Variants in RNF128 observed in about 807,000 individuals in gnomAD.
RNF128 encodes the protein ring finger protein 128, also known as E3 ubiquitin-protein ligase RNF128.
A neutral mutation model predicts 26.2 loss-of-function variants in RNF128; 13 were observed. The ratio of observed to expected loss-of-function variants is 0.50; its 90% CI spans 0.32 to 0.79. The LOEUF is 0.79. RNF128 is among the 30% of genes least tolerant of loss of function. The probability of loss-of-function intolerance (pLI) is 0.03; values close to 1 mark genes in which losing one functional copy is unlikely to be tolerated. For synonymous variants in RNF128, 149 were observed against 142.5 expected, an observed-to-expected ratio of 1.05 and a Z score of -0.32; for missense variants, 315 against 349.7, an observed-to-expected ratio of 0.90 and a Z score of 0.79.
At chrX:106,720,939 C>T (rs1228155087) in intron 1 of RNF128, among the ~76,000 whole-genome samples, 1 of 111,456 alleles carries the variant, frequency 9.0e-6, no homozygotes, top group Non-Finnish European at 1.9e-5. Flanking sequence ...TTAGATACAG[C>T]GTATCTACTG....
At chrX:106,746,011 G>T (rs1157770712) in intron 1 of RNF128, among the ~76,000 whole-genome samples, 1 of 111,232 alleles carries the variant, frequency 9.0e-6, no homozygotes, top group Non-Finnish European at 1.9e-5. Flanking sequence ...AAGTCCACTT[G>T]AATTGGTTCC....
intron 1 of RNF128, among the ~76,000 whole-genome samples, chrX:106,714,619 A>G (rs942580273): frequency 4.5e-5 from 5 of 111,695 alleles, no homozygotes; most frequent in African/African-American, 1.6e-4. Flanking sequence ...GTGTAGGTTC[A>G]TGTGACTATC....
chrX:106,751,426 C>G (rs1174263685), intron 1 of RNF128, among the ~76,000 whole-genome samples: 2 of 110,898 alleles, frequency 1.8e-5, no homozygotes, highest in Non-Finnish European at 3.8e-5. Flanking sequence ...ATCCCTCTGG[C>G]AAGCCTCACC....
intron 1 of RNF128, among the ~76,000 whole-genome samples, chrX:106,710,960 C>A (rs1929117865): frequency 9.0e-6 from 1 of 111,457 alleles, no homozygotes; most frequent in South Asian, 3.7e-4. Context: ...TGCAGCTGAA[C>A]TGTGCACAAC....
At chrX:106,785,338 A>G (rs746953958) in intron 3 of RNF128, among the ~76,000 whole-genome samples, 1 of 112,031 alleles carries the variant, frequency 8.9e-6, no homozygotes, top group East Asian at 2.8e-4. Context: ...TGTGCATATT[A>G]CCTTATATGG....
intron 1 of RNF128, among the ~76,000 whole-genome samples, chrX:106,762,721 G>A (rs1018910433): frequency 9.1e-6 from 1 of 110,474 alleles, no homozygotes; most frequent in African/African-American, 3.3e-5. Context: ...GTTCTTTGCA[G>A]CAACATGGAT....
rs188097023 is a variant in RNF128, at chrX:106,703,881, C to T, written c.406+9473C>T. ...AGCAGATTAGGATGCTGATAATATA[C>T]AGAGTATGGCCATGGCAGTGGGGTC... On this transcript the variant is annotated intron_variant, in intron 1 of 6. Coordinates refer to the RNF128 transcript ENST00000324342. 2.7e-5 allele frequency among the ~76,000 whole-genome samples: 3 copies of T among 110,051 alleles called. No individual in the cohort carries two copies. In the East Asian group the frequency reaches 8.6e-4, roughly 32 times the overall value.
At chrX:106,788,917 T>C (rs1217840165) in intron 4 of RNF128, among the ~76,000 whole-genome samples, 2 of 71,353 alleles carry the variant, frequency 2.8e-5, no homozygotes, top group Non-Finnish European at 4.9e-5. Flanking sequence ...ATATACTGAG[T>C]ATATATACTA....
chrX:106,782,880 G>A (rs769391749), intron 2 of RNF128, among the ~76,000 whole-genome samples: 3 of 111,420 alleles, frequency 2.7e-5, no homozygotes, highest in Non-Finnish European at 3.8e-5. Flanking sequence ...TTCTCTGTCT[G>A]ATTAGATGTC....
intron 2 of RNF128, among the ~76,000 whole-genome samples, chrX:106,784,087 A>G (rs775171044): frequency 3.6e-5 from 4 of 111,708 alleles, no homozygotes; most frequent in Non-Finnish European, 5.6e-5. Context: ...ATTCATATGT[A>G]TATTATATTC....
intron 1 of RNF128, among the ~76,000 whole-genome samples, chrX:106,718,448 T>C (rs1929254364): frequency 9.0e-6 from 1 of 111,439 alleles, no homozygotes; most frequent in South Asian, 3.8e-4. Flanking sequence ...ACTAGTTTAC[T>C]ATGAAGAAGA....
At chrX:106,697,523 C>T (rs1039432881) in intron 1 of RNF128, among the ~76,000 whole-genome samples, 1 of 111,783 alleles carries the variant, frequency 8.9e-6, no homozygotes, top group Admixed American at 9.5e-5. Context: ...CACCCACCCT[C>T]GTACTGTTGT....
At chrX:106,786,814 A>AT (rs1930665804) in intron 3 of RNF128, among the ~76,000 whole-genome samples, 1 of 111,395 alleles carries the variant, frequency 9.0e-6, no homozygotes, top group Non-Finnish European at 1.9e-5. Flanking sequence ...TCACCAAAAA[A>AT]ATATATATAT....
At position 106,726,730 on chromosome X, in the gene RNF128, G is replaced by C. The variant is rs1259137076; in HGVS notation, c.-184G>C. 9.6e-7 allele frequency: 1 copy of C among 1,043,931 alleles called. No individual in the cohort carries two copies. The highest frequency in any genetic ancestry group is 4.6e-5 in the Admixed American group (1 of 21,512). 86.0% of individuals were successfully genotyped at this position (1,043,931 alleles called of 1,213,427 possible). On this transcript the variant is annotated 5_prime_UTR_variant, in exon 1 of 7. Transcript: ENST00000255499. ...TAGCGGAGAAGACTGGAGCTCCGAG[G>C]AGCTGCATCTGCGGCAACCTGTGTG...
intron 1 of RNF128, among the ~76,000 whole-genome samples, chrX:106,715,220 A>AT (rs1041329905): frequency 7.2e-5 from 8 of 111,373 alleles, no homozygotes; most frequent in African/African-American, 1.3e-4. Flanking sequence ...TAGACACATT[A>AT]TTTTTTTTAA....
At chrX:106,695,947 A>T (rs1928867771) in intron 1 of RNF128, among the ~76,000 whole-genome samples, 1 of 111,556 alleles carries the variant, frequency 9.0e-6, no homozygotes, top group Non-Finnish European at 1.9e-5. Flanking sequence ...CCTGCCAGTA[A>T]ATTTGAAATA....
intron 1 of RNF128, among the ~76,000 whole-genome samples, chrX:106,701,659 A>T (rs1194320087): frequency 1.8e-5 from 2 of 111,868 alleles, no homozygotes; most frequent in East Asian, 5.6e-4. Flanking sequence ...TGGATAAAAC[A>T]ATTGAAAAAG....
chrX:106,702,437 AGT>A (rs1040806764), intron 1 of RNF128, among the ~76,000 whole-genome samples: 6 of 111,476 alleles, frequency 5.4e-5, no homozygotes, highest in East Asian at 2.8e-4. Flanking sequence ...ATTAGAAAAG[AGT>A]GTGTGTGTAA....
At chrX:106,780,686 G>A (rs1930550697) in intron 2 of RNF128, among the ~76,000 whole-genome samples, 1 of 111,718 alleles carries the variant, frequency 9.0e-6, no homozygotes, top group Non-Finnish European at 1.9e-5. Flanking sequence ...AATTTCCTTC[G>A]TTTGTCTTCT....
Sources: allele counts gnomAD v4.1 joint callset (sites outside exome capture counted in the v4.1 genomes callset), GRCh38; gene constraint gnomAD v4.1.1; transcripts MANE v1.5; gene names NCBI Gene and HGNC (gene_info 2026-07-23, HGNC 2026-07-21).